Variants in C1QTNF3 observed in about 807,000 individuals in gnomAD.
C1QTNF3 encodes the protein complement C1q tumor necrosis factor-related protein 3.
In C1QTNF3, 26 loss-of-function variants were observed where a neutral mutation model predicts 32.6. That is an observed-to-expected ratio of 0.80 (90% CI 0.58 to 1.11). The LOEUF (loss-of-function observed/expected upper bound fraction) is 1.11, where lower values mean the gene tolerates loss of function less well. Among genes scored for constraint, C1QTNF3 ranks in the 50% least tolerant of loss-of-function variants. The probability of loss-of-function intolerance (pLI) is 0.00; values close to 1 mark genes in which losing one functional copy is unlikely to be tolerated. For synonymous variants in C1QTNF3, 155 were observed against 146.0 expected (o/e 1.06, Z -0.44); for missense variants, 362 against 398.2 (o/e 0.91, Z 0.77).
chr5:34,061,767 C>G, the C1QTNF3 span, among the ~76,000 whole-genome samples: 4 of 152,174 alleles, frequency 2.6e-5, no homozygotes, highest in Non-Finnish European at 5.9e-5. Context: ...CCCATGAAAC[C>G]ACTTTTTCCT....
chr5:34,220,593 T>C, the C1QTNF3 span, among the ~76,000 whole-genome samples: 1,895 of 151,926 alleles, frequency 0.012, 44 homozygotes, highest in African/African-American at 0.044. Context: ...ATAGTGTATA[T>C]GCAACTTGTG....
the C1QTNF3 span, among the ~76,000 whole-genome samples, chr5:34,087,282 A>AC: frequency 6.6e-6 from 1 of 151,126 alleles, no homozygotes; most frequent in Non-Finnish European, 1.5e-5. Context: ...TCCATGAAGT[A>AC]AGATTATGTA....
At chr5:34,068,833 G>T in the C1QTNF3 span, among the ~76,000 whole-genome samples, 4 of 152,054 alleles carry the variant, frequency 2.6e-5, no homozygotes, top group African/African-American at 9.7e-5. Flanking sequence ...GGCAACATAG[G>T]TATGTCCTAG....
the C1QTNF3 span, among the ~76,000 whole-genome samples, chr5:34,209,121 A>C: frequency 1.3e-5 from 2 of 152,206 alleles, no homozygotes; most frequent in African/African-American, 4.8e-5. Context: ...AAGGTGAGAC[A>C]ATTTCTAGGG....
At chr5:34,038,000 C>T (rs1313640886) in intron 1 of C1QTNF3, among the ~76,000 whole-genome samples, 3 of 152,028 alleles carry the variant, frequency 2.0e-5, no homozygotes, top group East Asian at 3.8e-4. Context: ...GTGGAACCAT[C>T]GATATAGGAA....
the C1QTNF3 span, among the ~76,000 whole-genome samples, chr5:34,164,057 G>A: frequency 1.3e-5 from 2 of 152,090 alleles, no homozygotes; most frequent in African/African-American, 4.8e-5. Context: ...ATTACAAAAG[G>A]GAAGTTAAGC....
chr5:34,134,638 A>G, the C1QTNF3 span, among the ~76,000 whole-genome samples: 2 of 152,190 alleles, frequency 1.3e-5, no homozygotes, highest in Admixed American at 6.5e-5. Context: ...GATCCTTCAC[A>G]TCCCTTGTAA....
the C1QTNF3 span, among the ~76,000 whole-genome samples, chr5:34,135,341 G>A: frequency 2.0e-5 from 3 of 152,186 alleles, no homozygotes; most frequent in East Asian, 3.9e-4. Flanking sequence ...AAGGATTTTC[G>A]CATTGATGTT....
At chr5:34,057,026 C>A in the C1QTNF3 span, among the ~76,000 whole-genome samples, 1 of 152,168 alleles carries the variant, frequency 6.6e-6, no homozygotes, top group Non-Finnish European at 1.5e-5. Flanking sequence ...AAAAGTAGAA[C>A]ACTTATTAAT....
chr5:34,229,605 T>C, the C1QTNF3 span, among the ~76,000 whole-genome samples: 1 of 152,134 alleles, frequency 6.6e-6, no homozygotes, highest in African/African-American at 2.4e-5. Context: ...AGATTTTAGA[T>C]GGCCAAATGC....
the C1QTNF3 span, among the ~76,000 whole-genome samples, chr5:34,233,055 T>C: frequency 6.6e-6 from 1 of 150,970 alleles, no homozygotes; most frequent in African/African-American, 2.4e-5. Context: ...CACATAAGAA[T>C]AAGTTATATT....
At chr5:34,085,194 A>C in the C1QTNF3 span, among the ~76,000 whole-genome samples, 3 of 147,802 alleles carry the variant, frequency 2.0e-5, no homozygotes, top group Admixed American at 1.3e-4. Context: ...ACCGGGTTTC[A>C]CCGTGTTGGC....
At chr5:34,234,927 T>C in the C1QTNF3 span, among the ~76,000 whole-genome samples, 1 of 152,224 alleles carries the variant, frequency 6.6e-6, no homozygotes, top group Non-Finnish European at 1.5e-5. Context: ...AGGCTTATTA[T>C]ACCTTTGCCC....
At chr5:34,240,320 C>A in the C1QTNF3 span, among the ~76,000 whole-genome samples, 1 of 150,250 alleles carries the variant, frequency 6.7e-6, no homozygotes, top group African/African-American at 2.4e-5. Flanking sequence ...AAAAATCCTA[C>A]AAAAGATTAA....
the C1QTNF3 span, among the ~76,000 whole-genome samples, chr5:34,107,385 AC>A: frequency 6.6e-6 from 1 of 150,940 alleles, no homozygotes; most frequent in East Asian, 1.9e-4. Context: ...CGGGACAGAC[AC>A]ATGACTCATT....
the C1QTNF3 span, among the ~76,000 whole-genome samples, chr5:34,156,317 C>T: frequency 8.9e-4 from 136 of 152,210 alleles, 1 homozygote; most frequent in Middle Eastern, 0.01. Flanking sequence ...GTGATCCACC[C>T]GCCTCGGCCT....
the C1QTNF3 span, among the ~76,000 whole-genome samples, chr5:34,222,929 CCTT>C: frequency 6.6e-6 from 1 of 151,774 alleles, no homozygotes; most frequent in Non-Finnish European, 1.5e-5. Context: ...TTGACTCCCT[CCTT>C]CTTATTAACA....
chr5:34,074,279 T>C, the C1QTNF3 span, among the ~76,000 whole-genome samples: 1 of 151,788 alleles, frequency 6.6e-6, no homozygotes, highest in Non-Finnish European at 1.5e-5. Context: ...CTTGTCGTTA[T>C]GCTGAATGCA....
the C1QTNF3 span, among the ~76,000 whole-genome samples, chr5:34,094,169 AC>A: frequency 6.6e-6 from 1 of 152,148 alleles, no homozygotes; most frequent in African/African-American, 2.4e-5. Flanking sequence ...GAATGGGGTC[AC>A]CCAACAATAA....
Sources: allele counts gnomAD v4.1 joint callset (sites outside exome capture counted in the v4.1 genomes callset), GRCh38; gene constraint gnomAD v4.1.1; transcripts MANE v1.5; gene names NCBI Gene and HGNC (gene_info 2026-07-23, HGNC 2026-07-21).